Variants in CELF4 observed in about 807,000 individuals in gnomAD.
The protein encoded by CELF4 is CUG-BP- and ETR-3-like factor 4.
Under a neutral mutation model 59.9 loss-of-function variants are expected in CELF4, and 18 were observed. The observed-to-expected ratio is 0.30, with a 90% CI of 0.21 to 0.45. CELF4 has a LOEUF of 0.45. CELF4 is among the 20% of genes least tolerant of loss of function. CELF4 has a pLI of 1.00. For synonymous variants in CELF4, 261 were observed against 267.1 expected (o/e 0.98, Z 0.22); for missense variants, 456 against 689.0 (o/e 0.66, Z 3.79).
rs564669254 is a variant in CELF4 at position 37,265,004 on chromosome 18, T to C, written c.1166-247A>G. Among the ~76,000 whole-genome samples the C allele has an allele frequency of 2.0e-5, 3 of 150,888 alleles. No individual in the cohort carries two copies. In the South Asian group the frequency reaches 6.3e-4, roughly 32 times the overall value. On this transcript the variant is annotated intron_variant, in intron 9 of 12. Coordinates refer to ENST00000420428, the MANE Select transcript of CELF4 (RefSeq NM_020180.4). ...CGTGTGTGTACATTACATGCATACATGCATGTACGTGTGGGGATGTGTGTG... is the reference window on the plus strand; with the variant it reads ...CGTGTGTGTACATTACATGCATACACGCATGTACGTGTGGGGATGTGTGTG...
At chr18:37,425,666 C>G (rs1366384414) in intron 2 of CELF4, among the ~76,000 whole-genome samples, 1 of 152,224 alleles carries the variant, frequency 6.6e-6, no homozygotes, top group African/African-American at 2.4e-5. Context: ...CATAGAGATT[C>G]AAGAAAGAAA....
At chr18:37,304,900 T>C (rs551512120) in intron 3 of CELF4, among the ~76,000 whole-genome samples, 61 of 152,110 alleles carry the variant, frequency 4.0e-4, no homozygotes, top group Non-Finnish European at 4.4e-4. Flanking sequence ...AGGTGGGGGC[T>C]GGAAGTCCCA....
chr18:37,325,572 C>A (rs2097281436), intron 2 of CELF4, among the ~76,000 whole-genome samples: 1 of 152,214 alleles, frequency 6.6e-6, no homozygotes, highest in Non-Finnish European at 1.5e-5. Flanking sequence ...GCCCTCCCAA[C>A]CAGACGGGCC....
chr18:37,432,480 A>T (rs577946414), intron 2 of CELF4, among the ~76,000 whole-genome samples: 1 of 152,376 alleles, frequency 6.6e-6, no homozygotes, highest in South Asian at 2.1e-4. Flanking sequence ...CTTCAACTTT[A>T]TAAACAACAA....
intron 1 of CELF4, among the ~76,000 whole-genome samples, chr18:37,550,971 T>G (rs934384819): frequency 1.3e-5 from 2 of 152,150 alleles, no homozygotes; most frequent in Non-Finnish European, 2.9e-5. Context: ...GGGCAAGGCA[T>G]TGAAATGATA....
At chr18:37,445,460 A>AGTGCT (rs2099745573) in intron 2 of CELF4, among the ~76,000 whole-genome samples, 1 of 151,826 alleles carries the variant, frequency 6.6e-6, no homozygotes, top group South Asian at 2.1e-4. Context: ...CGGTAGTCAC[A>AGTGCT]GTGCTGGCAT....
intron 3 of CELF4, among the ~76,000 whole-genome samples, chr18:37,283,932 A>ACACACAAC: frequency 6.6e-6 from 1 of 150,806 alleles, no homozygotes. Flanking sequence ...CACACACACC[A>ACACACAAC]ATACATGCAC....
intron 2 of CELF4, among the ~76,000 whole-genome samples, chr18:37,434,754 C>A (rs1328346667): frequency 1.3e-5 from 2 of 152,108 alleles, no homozygotes; most frequent in Non-Finnish European, 2.9e-5. Flanking sequence ...TGTCCCACGG[C>A]CCTTTCAGTG....
At chr18:37,401,304 C>T (rs1034819815) in intron 2 of CELF4, among the ~76,000 whole-genome samples, 1 of 152,232 alleles carries the variant, frequency 6.6e-6, no homozygotes, top group African/African-American at 2.4e-5. Flanking sequence ...CTGATGAAAC[C>T]TTTCATGTGG....
chr18:37,417,532 T>C (rs2099539159), intron 2 of CELF4, among the ~76,000 whole-genome samples: 1 of 152,180 alleles, frequency 6.6e-6, no homozygotes, highest in African/African-American at 2.4e-5. Flanking sequence ...GTTGGCCAAG[T>C]GGTGCTATCT....
chr18:37,345,785 A>G (rs2098233214), intron 2 of CELF4, among the ~76,000 whole-genome samples: 1 of 152,006 alleles, frequency 6.6e-6, no homozygotes. Flanking sequence ...CCTGATATAG[A>G]AAGGCACAGC....
intron 1 of CELF4, among the ~76,000 whole-genome samples, chr18:37,539,727 C>T (rs1239158375): frequency 2.0e-5 from 3 of 152,222 alleles, no homozygotes; most frequent in Non-Finnish European, 4.4e-5. Context: ...TGTAGCCCCT[C>T]TTTACTTGTG....
intron 3 of CELF4, chr18:37,275,774 A>T (rs1366494455): frequency 1.9e-5 from 3 of 154,004 alleles, no homozygotes; most frequent in Admixed American, 1.3e-4. Context: ...TTGCCTCCTC[A>T]CCCATGCCCC....
chr18:37,546,707 T>C (rs2099981521), intron 1 of CELF4, among the ~76,000 whole-genome samples: 1 of 152,108 alleles, frequency 6.6e-6, no homozygotes. Context: ...AACACACACG[T>C]GCATGCTCCA....
chr18:37,479,589 A>G lies in CELF4; in HGVS notation c.369+5936T>C, dbSNP rs190366193. Among the ~76,000 whole-genome samples the G allele has an allele frequency of 2.6e-5, 4 of 152,332 alleles. No individual in the cohort carries two copies. The East Asian group carries it at 7.7e-4, about 29-fold the overall frequency. ...ATATGAGAAAGAAGAAAGATATATC[A>G]TCCATTCTCCCAAAGAGAAAGAAAA... On this transcript the variant is annotated intron_variant, in intron 2 of 12. Transcript: ENST00000420428.
chr18:37,423,913 C>T (rs772598713), intron 2 of CELF4, among the ~76,000 whole-genome samples: 2 of 152,026 alleles, frequency 1.3e-5, no homozygotes, highest in Admixed American at 6.5e-5. Flanking sequence ...ACTGGCTGTA[C>T]ACCATGCCAT....
intron 2 of CELF4, among the ~76,000 whole-genome samples, chr18:37,357,689 C>A (rs1236773486): frequency 6.6e-6 from 1 of 152,204 alleles, no homozygotes; most frequent in African/African-American, 2.4e-5. Context: ...CAACACCAGC[C>A]TGTGAAAGCA....
intron 1 of CELF4, among the ~76,000 whole-genome samples, chr18:37,530,492 A>G (rs1040465560): frequency 4.6e-5 from 7 of 152,144 alleles, no homozygotes; most frequent in African/African-American, 1.4e-4. Context: ...CCAGCAAGAC[A>G]CTTTAAGAAT....
chr18:37,294,269 C>T (rs1169819597), intron 3 of CELF4, among the ~76,000 whole-genome samples: 1 of 152,196 alleles, frequency 6.6e-6, no homozygotes, highest in Non-Finnish European at 1.5e-5. Context: ...ATTTTAAAAT[C>T]AGCTTCTATG....
Sources: gnomAD v4.1 joint callset for allele counts (sites outside exome capture counted in the v4.1 genomes callset) on GRCh38, gnomAD v4.1.1 for gene constraint, MANE v1.5 for transcripts, NCBI Gene and HGNC (gene_info 2026-07-23, HGNC 2026-07-21) for gene names.